RHAG: variants seen among roughly 807,000 people sequenced by gnomAD.
RHAG encodes ammonium transporter Rh type A.
RHAG carries 25 observed loss-of-function variants against 42.4 expected under a neutral mutation model. The observed-to-expected ratio is 0.59, with a 90% CI of 0.43 to 0.82. The LOEUF is 0.82. Among genes scored for constraint, RHAG ranks in the 40% least tolerant of loss-of-function variants. The pLI, the probability that RHAG is intolerant of heterozygous loss-of-function variation, is 0.00. For synonymous variants in RHAG, 182 were observed against 177.7 expected, an observed-to-expected ratio of 1.02 and a Z score of -0.19; for missense variants, 483 against 504.6, an observed-to-expected ratio of 0.96 and a Z score of 0.41.
At chr6:49,610,985 T>C in intron 7 of RHAG, 39 bp downstream of exon 7, 2 of 1,613,030 alleles carry the variant, frequency 1.2e-6, no homozygotes, top group Non-Finnish European at 1.7e-6. Flanking sequence ...GAAAACATCA[T>C]GGGACCACAG....
intron 1 of RHAG, among the ~76,000 whole-genome samples, chr6:49,623,850 T>C (rs1416087913): frequency 6.6e-6 from 1 of 152,212 alleles, no homozygotes; most frequent in Non-Finnish European, 1.5e-5. Flanking sequence ...TTTAAACATT[T>C]TAGACCAAAA....
At chr6:49,629,159 T>C (rs1385863125) in intron 1 of RHAG, among the ~76,000 whole-genome samples, 2 of 151,898 alleles carry the variant, frequency 1.3e-5, no homozygotes, top group Non-Finnish European at 2.9e-5. Context: ...AGATACACAG[T>C]GTGGATGGCT....
At chr6:49,623,048 C>T (rs1443673009) in intron 1 of RHAG, among the ~76,000 whole-genome samples, 3 of 151,972 alleles carry the variant, frequency 2.0e-5, no homozygotes, top group Non-Finnish European at 4.4e-5. Flanking sequence ...CCGTGTTAGC[C>T]AGGATGGTCT....
intron 1 of RHAG, among the ~76,000 whole-genome samples, chr6:49,635,237 T>C (rs767183228): frequency 7.9e-5 from 12 of 152,056 alleles, no homozygotes; most frequent in African/African-American, 2.9e-4. Flanking sequence ...TGCTGGGACT[T>C]AGAAAGTTCA....
At chr6:49,614,499 GC>G (rs1457507421) in intron 5 of RHAG, among the ~76,000 whole-genome samples, 187 bp downstream of exon 5, 2 of 152,088 alleles carry the variant, frequency 1.3e-5, no homozygotes, top group African/African-American at 4.8e-5. Flanking sequence ...ACTGCGCCCA[GC>G]CCAGGGTACA....
chr6:49,614,332 A>G (rs1365685867), intron 5 of RHAG, among the ~76,000 whole-genome samples: 2 of 151,362 alleles, frequency 1.3e-5, no homozygotes. Context: ...AGCTGGGATG[A>G]CAGGTGTCTG....
At chr6:49,618,951 G>C (rs917464950) in intron 2 of RHAG, among the ~76,000 whole-genome samples, 3 of 152,136 alleles carry the variant, frequency 2.0e-5, no homozygotes, top group Non-Finnish European at 4.4e-5. Flanking sequence ...CTCCCTTTCT[G>C]GTTGGTAGAT....
At chr6:49,610,924 A>AC in intron 7 of RHAG, 100 bp downstream of exon 7, 1 of 1,466,476 alleles carries the variant, frequency 6.8e-7, no homozygotes. Flanking sequence ...GACAATACAA[A>AC]CCATGGCCAG....
chr6:49,632,982 A>T (rs6941100), intron 1 of RHAG, among the ~76,000 whole-genome samples: 150,848 of 152,186 alleles, frequency 0.99, 74,766 homozygotes, highest in East Asian at 1. Flanking sequence ...ATCTCAGGGG[A>T]TATTCATGGC....
chr6:49,614,620 A>G, intron 5 of RHAG, 67 bp downstream of exon 5: 9 of 1,336,386 alleles, frequency 6.7e-6, no homozygotes, highest in Non-Finnish European at 9.7e-6. Context: ...GAAATTACCT[A>G]CTACTTATCT....
intron 3 of RHAG, among the ~76,000 whole-genome samples, chr6:49,617,724 A>C (rs1279529198): frequency 6.6e-6 from 1 of 152,214 alleles, no homozygotes; most frequent in Admixed American, 6.5e-5. Flanking sequence ...TAAAAAAGGA[A>C]TTCATCATTG....
chr6:49,616,187 A>G (rs1483442620), intron 3 of RHAG, among the ~76,000 whole-genome samples: 1 of 152,086 alleles, frequency 6.6e-6, no homozygotes, highest in Non-Finnish European at 1.5e-5. Flanking sequence ...ATTTTGAGTG[A>G]AATATGTATT....
At chr6:49,630,573 A>G (rs905520611) in intron 1 of RHAG, among the ~76,000 whole-genome samples, 12 of 152,332 alleles carry the variant, frequency 7.9e-5, no homozygotes, top group African/African-American at 2.9e-4. Flanking sequence ...TCCTTAGGGC[A>G]GTATCTTCCT....
intron 7 of RHAG, among the ~76,000 whole-genome samples, chr6:49,610,217 C>A (rs1426611656): frequency 6.6e-6 from 1 of 152,074 alleles, no homozygotes; most frequent in Non-Finnish European, 1.5e-5. Context: ...GCACATGTAT[C>A]CAGAACTTAA....
intron 7 of RHAG, among the ~76,000 whole-genome samples, chr6:49,607,565 T>C (rs1204340893): frequency 6.6e-6 from 1 of 152,188 alleles, no homozygotes; most frequent in Non-Finnish European, 1.5e-5. Context: ...CAGTTTCTTT[T>C]CTAGGAACAG....
chr6:49,627,758 G>C (rs1160267592), intron 1 of RHAG, among the ~76,000 whole-genome samples: 1 of 152,154 alleles, frequency 6.6e-6, no homozygotes, highest in East Asian at 1.9e-4. Flanking sequence ...CATAGTGGCA[G>C]GTGAGAGAGC....
At chr6:49,607,301 A>T in intron 7 of RHAG, 81 bp from the exon 8 acceptor site, 2 of 1,052,310 alleles carry the variant, frequency 1.9e-6, no homozygotes, top group South Asian at 2.6e-5. Context: ...GGTGTGGATG[A>T]CTGCCATCTT....
intron 6 of RHAG, 132 bp downstream of exon 6, chr6:49,612,265 A>T: frequency 9.9e-7 from 1 of 1,010,172 alleles, no homozygotes; most frequent in Non-Finnish European, 1.5e-6. Context: ...TGGTATTTCC[A>T]AAAAGAAGGC....
intron 1 of RHAG, among the ~76,000 whole-genome samples, chr6:49,621,228 G>A (rs1343887057): frequency 6.6e-6 from 1 of 152,144 alleles, no homozygotes; most frequent in Non-Finnish European, 1.5e-5. Flanking sequence ...CAGATCAAAA[G>A]ACTTATTCCT....
Sources: allele counts gnomAD v4.1 joint callset (sites outside exome capture counted in the v4.1 genomes callset), GRCh38; gene constraint gnomAD v4.1.1; transcripts MANE v1.5; gene names NCBI Gene and HGNC (gene_info 2026-07-23, HGNC 2026-07-21).